Variants in PRELID2 observed in about 807,000 individuals in gnomAD.
PRELID2 encodes PRELI domain containing 2.
In PRELID2, 25 loss-of-function variants were observed where a neutral mutation model predicts 28.4. That is an observed-to-expected ratio of 0.88 (90% confidence interval 0.64 to 1.23). The LOEUF (loss-of-function observed/expected upper bound fraction) is 1.23, where lower values mean the gene tolerates loss of function less well. Among genes scored for constraint, PRELID2 ranks in the 50% most tolerant of loss-of-function variants. The pLI, the probability that PRELID2 is intolerant of heterozygous loss-of-function variation, is 0.00. For missense variants in PRELID2, 201 were observed against 214.4 expected (o/e 0.94, Z 0.39); for synonymous variants, 76 against 71.6 (o/e 1.06, Z -0.31).
chr5:145,568,273 G>T (rs564299498), intron 1 of PRELID2, among the ~76,000 whole-genome samples: 1 of 152,292 alleles, frequency 6.6e-6, no homozygotes, highest in East Asian at 1.9e-4. Context: ...ACTGCCAGGG[G>T]ACAGAATTCT....
intron 1 of PRELID2, among the ~76,000 whole-genome samples, chr5:145,528,679 T>C (rs1256089329): frequency 6.8e-6 from 1 of 146,548 alleles, no homozygotes; most frequent in Non-Finnish European, 1.5e-5. Flanking sequence ...CCGTTTCACT[T>C]CATTCTAAAC....
chr5:145,652,335 T>A (rs1209208360), intron 1 of PRELID2, among the ~76,000 whole-genome samples: 1 of 152,224 alleles, frequency 6.6e-6, no homozygotes. Context: ...CTCTGCAGGA[T>A]GTTATCCAGA....
intron 4 of PRELID2, among the ~76,000 whole-genome samples, chr5:145,804,897 G>T (rs1271664284): frequency 6.6e-6 from 1 of 152,240 alleles, no homozygotes; most frequent in East Asian, 1.9e-4. Flanking sequence ...GGGATATCAG[G>T]CCCAACAGTG....
intron 1 of PRELID2, among the ~76,000 whole-genome samples, chr5:145,621,675 A>G (rs1255756868): frequency 6.6e-6 from 1 of 152,214 alleles, no homozygotes; most frequent in Non-Finnish European, 1.5e-5. Context: ...AATTGTAGCT[A>G]TTAGGGGCAT....
chr5:145,572,306 G>T (rs1427042076), intron 1 of PRELID2, among the ~76,000 whole-genome samples: 1 of 152,160 alleles, frequency 6.6e-6, no homozygotes, highest in Non-Finnish European at 1.5e-5. Context: ...GTACTCTGAT[G>T]ACCTTGGGTG....
At chr5:145,628,599 T>C (rs1362193170) in intron 1 of PRELID2, among the ~76,000 whole-genome samples, 3 of 152,098 alleles carry the variant, frequency 2.0e-5, no homozygotes, top group Non-Finnish European at 4.4e-5. Flanking sequence ...GCTGGGATTA[T>C]AGGCATGAGC....
At chr5:145,385,372 TTGTCCTTCC>T in the PRELID2 span, among the ~76,000 whole-genome samples, 2 of 152,184 alleles carry the variant, frequency 1.3e-5, no homozygotes, top group African/African-American at 4.8e-5. Context: ...ATAAAATTTT[TTGTCCTTCC>T]ATAGCATTTT....
intron 1 of PRELID2, among the ~76,000 whole-genome samples, chr5:145,698,961 A>G (rs1755345135): frequency 1.3e-5 from 2 of 152,270 alleles, no homozygotes; most frequent in South Asian, 2.1e-4. Context: ...TCCTGACCTC[A>G]GGTGATCCAC....
At chr5:145,795,308 G>A (rs1581219062) in intron 5 of PRELID2, 1 of 152,148 alleles carries the variant, frequency 6.6e-6, no homozygotes, top group East Asian at 1.9e-4. Flanking sequence ...TCTTCCGGAA[G>A]TTCAACTACT....
intron 5 of PRELID2, chr5:145,796,124 CT>C (rs1752729910): frequency 5.7e-6 from 1 of 175,662 alleles, no homozygotes. Context: ...CTATCATTAT[CT>C]TTATTAAATA....
chr5:145,377,321 T>G, the PRELID2 span, among the ~76,000 whole-genome samples: 1 of 152,152 alleles, frequency 6.6e-6, no homozygotes, highest in Non-Finnish European at 1.5e-5. Flanking sequence ...CATGATCAGT[T>G]TTAGAGTATG....
the PRELID2 span, among the ~76,000 whole-genome samples, chr5:145,238,464 GA>G: frequency 6.6e-6 from 1 of 152,092 alleles, no homozygotes; most frequent in Admixed American, 6.6e-5. Context: ...CCTCAGTGGA[GA>G]AAATTTGTCT....
At chr5:145,337,823 T>G in the PRELID2 span, 4 of 150,446 alleles carry the variant, frequency 2.7e-5, no homozygotes, top group African/African-American at 9.8e-5. Context: ...TTTCTGTTCC[T>G]ATGAAGCTGA....
chr5:145,280,368 T>C, the PRELID2 span, among the ~76,000 whole-genome samples: 2 of 152,154 alleles, frequency 1.3e-5, no homozygotes, highest in Non-Finnish European at 1.5e-5. Context: ...TTTGCTCATG[T>C]TGTTAAAAAG....
At chr5:145,381,919 A>G in the PRELID2 span, among the ~76,000 whole-genome samples, 53 of 151,900 alleles carry the variant, frequency 3.5e-4, no homozygotes, top group African/African-American at 1.1e-3. Flanking sequence ...AGTCAAGAGG[A>G]AAAAAAATCT....
At chr5:145,826,248 G>A (rs1021628039) in intron 1 of PRELID2, 3 of 886,770 alleles carry the variant, frequency 3.4e-6, no homozygotes, top group African/African-American at 1.8e-5. Context: ...ATATAATAGT[G>A]TAAAGCCCGC....
At chr5:145,603,584 T>C (rs1336787613) in intron 1 of PRELID2, among the ~76,000 whole-genome samples, 6 of 151,952 alleles carry the variant, frequency 3.9e-5, no homozygotes, top group Admixed American at 6.6e-5. Context: ...GGCAGAAGAA[T>C]ACTCATTACA....
intron 1 of PRELID2, among the ~76,000 whole-genome samples, chr5:145,529,373 A>G (rs1752636247): frequency 6.6e-6 from 1 of 152,106 alleles, no homozygotes; most frequent in Non-Finnish European, 1.5e-5. Context: ...AGTCTTTCTC[A>G]TTTTTCTTGG....
At chr5:145,457,695 C>G in the PRELID2 span, among the ~76,000 whole-genome samples, 1 of 152,164 alleles carries the variant, frequency 6.6e-6, no homozygotes, top group Non-Finnish European at 1.5e-5. Flanking sequence ...ACTTTTCTAC[C>G]TCCAAAGCTT....
Sources: allele counts gnomAD v4.1 joint callset (sites outside exome capture counted in the v4.1 genomes callset), GRCh38; gene constraint gnomAD v4.1.1; transcripts MANE v1.5; gene names NCBI Gene and HGNC (gene_info 2026-07-23, HGNC 2026-07-21).